INPP4B: variants seen among roughly 807,000 people sequenced by gnomAD.
INPP4B encodes the protein inositol polyphosphate-4-phosphatase type II B, also known as inositol polyphosphate 4-phosphatase type II.
In INPP4B, 55 loss-of-function variants were observed where a neutral mutation model predicts 122.5. The observed-to-expected ratio is 0.45, with a 90% CI of 0.36 to 0.56. INPP4B has a LOEUF of 0.56. INPP4B is among the 20% of genes least tolerant of loss of function. The pLI, the probability that INPP4B is intolerant of heterozygous loss-of-function variation, is 0.00. For synonymous variants in INPP4B, 403 were observed against 388.7 expected (o/e 1.04, Z -0.43); for missense variants, 1,000 against 1,097.7 (o/e 0.91, Z 1.26).
At chr4:142,751,800 T>A (rs1769759483) in intron 1 of INPP4B, among the ~76,000 whole-genome samples, 1 of 151,992 alleles carries the variant, frequency 6.6e-6, no homozygotes, top group Non-Finnish European at 1.5e-5. Flanking sequence ...GACACTATAA[T>A]TTTTTCAATC....
At chr4:142,422,778 T>G (rs1580011755) in intron 5 of INPP4B, among the ~76,000 whole-genome samples, 1 of 152,058 alleles carries the variant, frequency 6.6e-6, no homozygotes, top group East Asian at 1.9e-4. Context: ...TATGCCACTG[T>G]GCTCTAGTCT....
chr4:142,628,892 C>T (rs527418600), intron 2 of INPP4B, among the ~76,000 whole-genome samples: 191 of 152,134 alleles, frequency 1.3e-3, no homozygotes, highest in African/African-American at 4.4e-3. Flanking sequence ...ATAGATAACA[C>T]AAAATATTTA....
At chr4:142,667,317 T>C (rs1323830895) in intron 2 of INPP4B, among the ~76,000 whole-genome samples, 1 of 152,218 alleles carries the variant, frequency 6.6e-6, no homozygotes, top group Non-Finnish European at 1.5e-5. Flanking sequence ...CAGTTGGTCA[T>C]GACCTGATAT....
chr4:142,728,900 G>A (rs1322680618), intron 1 of INPP4B, among the ~76,000 whole-genome samples: 1 of 152,018 alleles, frequency 6.6e-6, no homozygotes, highest in East Asian at 1.9e-4. Flanking sequence ...CATGTCTTCG[G>A]CCAACAAGAA....
At chr4:142,615,904 T>G (rs553496891) in intron 2 of INPP4B, among the ~76,000 whole-genome samples, 263 of 152,034 alleles carry the variant, frequency 1.7e-3, no homozygotes, top group Non-Finnish European at 2.9e-3. Flanking sequence ...AAAGCCATAT[T>G]AATAGGAGAA....
chr4:142,651,627 T>C (rs933107066), intron 2 of INPP4B, among the ~76,000 whole-genome samples: 1 of 152,008 alleles, frequency 6.6e-6, no homozygotes, highest in African/African-American at 2.4e-5. Flanking sequence ...CTAGAAGAAA[T>C]GGATAAGTTC....
chr4:142,650,125 A>C (rs1349291771), intron 2 of INPP4B, among the ~76,000 whole-genome samples: 1 of 152,218 alleles, frequency 6.6e-6, no homozygotes, highest in African/African-American at 2.4e-5. Flanking sequence ...TAAGCTTCAT[A>C]AGAGAAGGAG....
chr4:142,726,434 A>T (rs1206815719), intron 1 of INPP4B, among the ~76,000 whole-genome samples: 1 of 152,210 alleles, frequency 6.6e-6, no homozygotes, highest in African/African-American at 2.4e-5. Context: ...TCCTTATGAG[A>T]TGTAATTTCA....
intron 2 of INPP4B, among the ~76,000 whole-genome samples, chr4:142,698,051 ACTGG>A (rs746660658): frequency 1.3e-5 from 2 of 152,100 alleles, no homozygotes; most frequent in Non-Finnish European, 2.9e-5. Context: ...ATGCAAGAAG[ACTGG>A]CTGTGAAAAT....
chr4:142,104,632 G>A (rs554843512), intron 23 of INPP4B, among the ~76,000 whole-genome samples: 1 of 152,240 alleles, frequency 6.6e-6, no homozygotes, highest in Admixed American at 6.5e-5. Context: ...TGCCCAGATA[G>A]AGTAGTCATC....
chr4:142,116,195 A>T (rs144921349), intron 21 of INPP4B, among the ~76,000 whole-genome samples: 19,079 of 152,040 alleles, frequency 0.13, 1,371 homozygotes, highest in East Asian at 0.24. Flanking sequence ...AGACTTAGAC[A>T]CCCACACAAT....
chr4:142,586,211 C>T (rs139747499), intron 2 of INPP4B, among the ~76,000 whole-genome samples: 1 of 152,070 alleles, frequency 6.6e-6, no homozygotes, highest in East Asian at 1.9e-4. Context: ...ACTCAGGAGG[C>T]TAATGCAGGG....
intron 15 of INPP4B, among the ~76,000 whole-genome samples, chr4:142,179,711 C>A (rs1285447722): frequency 6.6e-6 from 1 of 152,062 alleles, no homozygotes; most frequent in East Asian, 1.9e-4. Flanking sequence ...TTTTTATGTA[C>A]ATCCTTTATT....
At chr4:142,326,840 CTG>C (rs1425901654) in intron 7 of INPP4B, among the ~76,000 whole-genome samples, 1 of 152,104 alleles carries the variant, frequency 6.6e-6, no homozygotes, top group African/African-American at 2.4e-5. Context: ...CATTGTAGTT[CTG>C]TGTTGCATTA....
intron 10 of INPP4B, among the ~76,000 whole-genome samples, chr4:142,268,322 C>CAAAAAAAAAAAAAAAAAAAAAAA (rs56908599): frequency 0.016 from 112 of 6,898 alleles, 47 homozygotes; most frequent in Non-Finnish European, 0.033. Flanking sequence ...GACTCCGTCT[C>CAAAAAAAAAAAAAAAAAAAAAAA]AAAAAAAAAA....
intron 11 of INPP4B, among the ~76,000 whole-genome samples, chr4:142,256,635 C>T (rs1294005333): frequency 6.6e-6 from 1 of 152,198 alleles, no homozygotes. Flanking sequence ...AACACATACA[C>T]TCTCCCAAGA....
At chr4:142,819,482 A>G (rs1332478593) in intron 1 of INPP4B, among the ~76,000 whole-genome samples, 1 of 152,142 alleles carries the variant, frequency 6.6e-6, no homozygotes, top group African/African-American at 2.4e-5. Flanking sequence ...TTCAAAGTGA[A>G]TCTTAGGGGA....
chr4:142,553,674 T>G (rs79258873), intron 2 of INPP4B, among the ~76,000 whole-genome samples: 1,638 of 152,354 alleles, frequency 0.011, 21 homozygotes, highest in Non-Finnish European at 0.018. Context: ...GGTAAATACC[T>G]TGATAATGTA....
At chr4:142,466,710 G>C (rs1489494994) in intron 2 of INPP4B, among the ~76,000 whole-genome samples, 3 of 152,142 alleles carry the variant, frequency 2.0e-5, no homozygotes, top group Non-Finnish European at 2.9e-5. Context: ...GGTCTCAAAG[G>C]CATTTTAGAA....
Sources: allele counts gnomAD v4.1 joint callset (sites outside exome capture counted in the v4.1 genomes callset), GRCh38; gene constraint gnomAD v4.1.1; transcripts MANE v1.5; gene names NCBI Gene and HGNC (gene_info 2026-07-23, HGNC 2026-07-21).